FYN: variants seen among roughly 807,000 people sequenced by gnomAD.
FYN encodes tyrosine-protein kinase Fyn.
Under a neutral mutation model 70.2 loss-of-function variants are expected in FYN, and 10 were observed. The observed-to-expected ratio is 0.14, with a 90% confidence interval of 0.09 to 0.24. The LOEUF is 0.24. Among genes scored for constraint, FYN ranks in the 10% least tolerant of loss-of-function variants. The pLI is 1.00. For synonymous variants in FYN, 236 were observed against 248.6 expected, an observed-to-expected ratio of 0.95 and a Z score of 0.48; for missense variants, 319 against 673.1, an observed-to-expected ratio of 0.47 and a Z score of 5.82.
At chr6:111,749,713 G>A (rs1005569721) in intron 3 of FYN, among the ~76,000 whole-genome samples, 4 of 151,924 alleles carry the variant, frequency 2.6e-5, no homozygotes, top group East Asian at 1.9e-4. Context: ...TCCTTAAAAG[G>A]TAAAAAACTT....
chr6:111,810,844 C>T (rs924823728), intron 2 of FYN, among the ~76,000 whole-genome samples: 5 of 152,316 alleles, frequency 3.3e-5, no homozygotes, highest in Admixed American at 1.3e-4. Context: ...CTTACACTCG[C>T]GCTTTGCTAA....
At chr6:111,696,068 C>T (rs78393553) in intron 10 of FYN, among the ~76,000 whole-genome samples, 7,984 of 152,192 alleles carry the variant, frequency 0.052, 244 homozygotes, top group East Asian at 0.14. Context: ...AAGTATTTGG[C>T]ATTTCATAAG....
intron 12 of FYN, chr6:111,676,360 A>T (rs1028094456): frequency 1.3e-5 from 2 of 152,216 alleles, no homozygotes; most frequent in Admixed American, 6.5e-5. Context: ...CCTTTTATGC[A>T]TGGAGTTATT....
At chr6:111,797,665 CATATATATATATATATATATAT>C (rs57984132) in intron 2 of FYN, among the ~76,000 whole-genome samples, 3,712 of 90,936 alleles carry the variant, frequency 0.041, 132 homozygotes, top group African/African-American at 0.065. Context: ...ATCAAAGTTT[CATATATATATATATATATATAT>C]ATATATATAT....
rs765349369 is a variant in FYN, at chr6:111,703,985, A to G, written c.547+14T>C. 7 of 1,601,188 alleles carry G rather than the reference A, an allele frequency of 4.4e-6. No individual in the cohort carries two copies. Among genetic ancestry groups the G allele is most frequent in the East Asian group, 2.2e-5 (1 of 44,816 alleles). On this transcript the variant is annotated intron_variant, in intron 7 of 13. Transcript: ENST00000354650. ...TTTGAATGACAAGCCAACTTCTTCA[A>G]CTCGTTATCTTACCTTTGGTGGTTT...
intron 2 of FYN, among the ~76,000 whole-genome samples, chr6:111,781,472 C>G (rs1341409284): frequency 6.6e-6 from 1 of 152,224 alleles, no homozygotes; most frequent in Non-Finnish European, 1.5e-5. Flanking sequence ...ACACAACCTA[C>G]ACAGCCTGTC....
At chr6:111,770,234 C>T (rs576033178) in intron 3 of FYN, among the ~76,000 whole-genome samples, 67 of 152,246 alleles carry the variant, frequency 4.4e-4, no homozygotes, top group African/African-American at 1.4e-3. Context: ...AACATACTGA[C>T]TGTATGGTAA....
chr6:111,685,525 G>A (rs1404140256), intron 12 of FYN, among the ~76,000 whole-genome samples: 2 of 152,252 alleles, frequency 1.3e-5, no homozygotes, highest in African/African-American at 4.8e-5. Context: ...TCCTTTGGCT[G>A]TAAGAAATGA....
chr6:111,692,288 G>A (rs1799368898), intron 12 of FYN, among the ~76,000 whole-genome samples: 1 of 152,188 alleles, frequency 6.6e-6, no homozygotes, highest in Non-Finnish European at 1.5e-5. Flanking sequence ...GAACAAGGTT[G>A]GCCTTTTGAA....
chr6:111,770,680 G>A (rs939454782), intron 3 of FYN, among the ~76,000 whole-genome samples: 6 of 152,174 alleles, frequency 3.9e-5, no homozygotes, highest in Non-Finnish European at 7.3e-5. Flanking sequence ...GCAAGTTCAA[G>A]TAGCATAGTG....
At chr6:111,729,551 A>C (rs1004048194) in intron 3 of FYN, among the ~76,000 whole-genome samples, 1 of 152,172 alleles carries the variant, frequency 6.6e-6, no homozygotes, top group Non-Finnish European at 1.5e-5. Context: ...CTTTTAAAAA[A>C]ATGACATGAA....
At chr6:111,685,979 A>G (rs1798986464) in intron 12 of FYN, among the ~76,000 whole-genome samples, 2 of 152,190 alleles carry the variant, frequency 1.3e-5, no homozygotes, top group Admixed American at 1.3e-4. Context: ...GGTGGGAATG[A>G]AAGAAATTGG....
chr6:111,805,374 C>A (rs1348117983), intron 2 of FYN, among the ~76,000 whole-genome samples: 2 of 152,186 alleles, frequency 1.3e-5, no homozygotes. Context: ...TTGGGACATA[C>A]TTACATTAAA....
intron 4 of FYN, among the ~76,000 whole-genome samples, chr6:111,716,500 T>A (rs535783126): frequency 2.0e-5 from 3 of 152,190 alleles, no homozygotes; most frequent in African/African-American, 7.2e-5. Context: ...AGTACAGTTA[T>A]AAACCTGGGT....
chr6:111,729,581 T>C lies in FYN; in HGVS notation c.-11-9519A>G, dbSNP rs76445909. Among the ~76,000 whole-genome samples the C allele has an allele frequency of 8.5e-5, 13 of 152,288 alleles. No individual in the cohort carries two copies. The East Asian group carries it at 1.7e-3, about 20-fold the overall frequency. ...CATGAAGAGGTTCTATGAAGTATTATTTATCATTTGAAAAATTAGAAAACT... is the reference window on the plus strand; with the variant it reads ...CATGAAGAGGTTCTATGAAGTATTACTTATCATTTGAAAAATTAGAAAACT... On this transcript the variant is annotated intron_variant, in intron 3 of 13. Transcript: ENST00000354650.
At chr6:111,671,519 TG>T (rs1333005466) in intron 13 of FYN, among the ~76,000 whole-genome samples, 1 of 152,132 alleles carries the variant, frequency 6.6e-6, no homozygotes, top group African/African-American at 2.4e-5. Flanking sequence ...CTCAGAAAAA[TG>T]TACCACCATC....
At chr6:111,821,520 C>T (rs1772662236) in intron 2 of FYN, among the ~76,000 whole-genome samples, 1 of 152,092 alleles carries the variant, frequency 6.6e-6, no homozygotes, top group South Asian at 2.1e-4. Context: ...AGACCTAAAA[C>T]CATAAAAACC....
At chr6:111,685,690 C>T (rs1047034633) in intron 12 of FYN, among the ~76,000 whole-genome samples, 2 of 152,222 alleles carry the variant, frequency 1.3e-5, no homozygotes, top group Non-Finnish European at 1.5e-5. Context: ...TATTTACACA[C>T]TTTAAAATCA....
chr6:111,702,757 G>A, intron 8 of FYN, 128 bp downstream of exon 8: 1 of 867,546 alleles, frequency 1.2e-6, no homozygotes, highest in Non-Finnish European at 1.7e-6. Flanking sequence ...ATTAAGGGCT[G>A]GCAAAGAAAA....
Sources: allele counts gnomAD v4.1 joint callset (sites outside exome capture counted in the v4.1 genomes callset), GRCh38; gene constraint gnomAD v4.1.1; transcripts MANE v1.5; gene names NCBI Gene and HGNC (gene_info 2026-07-23, HGNC 2026-07-21).